The following KANSL1 variants were observed in gnomAD, a reference collection of about 807,000 sequenced individuals.
KANSL1 encodes MLL1/MLL complex subunit KANSL1.
In KANSL1, 22 loss-of-function variants were observed where a neutral mutation model predicts 103.6. The ratio of observed to expected loss-of-function variants is 0.21; its 90% CI spans 0.15 to 0.30. KANSL1 has a LOEUF of 0.30. KANSL1 is among the 10% of genes least tolerant of loss of function. The pLI, the probability that KANSL1 is intolerant of heterozygous loss-of-function variation, is 1.00. For missense variants in KANSL1, 1,337 were observed against 1,399.8 expected (o/e 0.96, Z 0.72); for synonymous variants, 600 against 527.6 (o/e 1.14, Z -1.88).
chr17:46,189,965 G>C (rs981637997), intron 1 of KANSL1, among the ~76,000 whole-genome samples: 6 of 150,122 alleles, frequency 4.0e-5, no homozygotes, highest in African/African-American at 1.5e-4. Context: ...AGCTTTACTC[G>C]CAAAGGGGCC....
At chr17:46,192,170 G>C (rs1266551337) in intron 1 of KANSL1, among the ~76,000 whole-genome samples, 2 of 152,170 alleles carry the variant, frequency 1.3e-5, no homozygotes, top group Non-Finnish European at 2.9e-5. Context: ...AGTAAGACAC[G>C]GGAGTAGCGC....
At chr17:46,072,858 G>A (rs997134907) in intron 4 of KANSL1, among the ~76,000 whole-genome samples, 34 of 152,094 alleles carry the variant, frequency 2.2e-4, no homozygotes, top group Non-Finnish European at 5.0e-4. Flanking sequence ...CTAATCCAAT[G>A]GTTCCTAAGC....
At chr17:46,134,279 C>T (rs1178282868) in intron 2 of KANSL1, among the ~76,000 whole-genome samples, 1 of 152,128 alleles carries the variant, frequency 6.6e-6, no homozygotes, top group African/African-American at 2.4e-5. Flanking sequence ...TGCCTGTAAT[C>T]CCAGCTACTG....
intron 2 of KANSL1, among the ~76,000 whole-genome samples, chr17:46,096,311 C>CTTTTCTT: frequency 1.3e-5 from 1 of 76,408 alleles, no homozygotes; most frequent in African/African-American, 5.6e-5. Context: ...GCTTTTTTTT[C>CTTTTCTT]TTTTTTTTTT....
Position 46,203,433 on chromosome 17 carries a change from A to C in KANSL1, c.-90+20238T>G, listed in dbSNP as rs181600594. Among the ~76,000 whole-genome samples the C allele has an allele frequency of 2.0e-5, 3 of 152,342 alleles. No homozygotes were observed. The East Asian group carries it at 5.8e-4, about 29-fold the overall frequency. On this transcript the variant is annotated intron_variant, in intron 1 of 14. Coordinates refer to the KANSL1 transcript ENST00000572904. ...ATGATTATCTTCAATTTTCAGTAAA[A>C]TAAGACCCTATAAAAGCCCTACCAT... is the stretch of plus-strand genomic sequence containing the variant.
chr17:46,169,934 C>A (rs1204529151), intron 2 of KANSL1, among the ~76,000 whole-genome samples: 1 of 152,058 alleles, frequency 6.6e-6, no homozygotes, highest in Non-Finnish European at 1.5e-5. Context: ...AGTTTGAGGC[C>A]AGCCTGGTCG....
intron 2 of KANSL1, among the ~76,000 whole-genome samples, chr17:46,123,662 G>C (rs2043385260): frequency 6.6e-6 from 1 of 152,208 alleles, no homozygotes; most frequent in Non-Finnish European, 1.5e-5. Context: ...TCCAGAACAA[G>C]ACCCTAATCC....
At chr17:46,174,745 G>C (rs2046441370) in intron 1 of KANSL1, among the ~76,000 whole-genome samples, 1 of 152,158 alleles carries the variant, frequency 6.6e-6, no homozygotes, top group Non-Finnish European at 1.5e-5. Context: ...CACAATCATG[G>C]CTCACTGAAG....
chr17:46,146,749 C>A (rs1411796415), intron 2 of KANSL1, among the ~76,000 whole-genome samples: 2 of 112,104 alleles, frequency 1.8e-5, no homozygotes, highest in East Asian at 4.3e-4. Flanking sequence ...AGGAGAATGG[C>A]GTGAACCCGG....
chr17:46,047,245 T>C (rs1297846838), intron 7 of KANSL1, among the ~76,000 whole-genome samples: 1 of 152,208 alleles, frequency 6.6e-6, no homozygotes, highest in Admixed American at 6.5e-5. Context: ...GAAGAACAGA[T>C]GCAGAACAGG....
At chr17:46,167,537 C>T (rs529804447) in intron 2 of KANSL1, among the ~76,000 whole-genome samples, 1 of 152,282 alleles carries the variant, frequency 6.6e-6, no homozygotes, top group East Asian at 1.9e-4. Flanking sequence ...CAACGTACTG[C>T]AGAATTTTCA....
Position 46,189,031 on chromosome 17 carries a change from C to CAAAA in KANSL1, c.-90+3788_-90+3791dup, listed in dbSNP as rs57566816. ...CTGGGCAACAGAGCAAAGATTGTCT[C>CAAAA]AAAAAAAAAAAAAAAAAAAAAAAAA... On this transcript the variant is annotated intron_variant, in intron 1 of 14. Coordinates refer to ENST00000432791, the MANE Select transcript of KANSL1 (RefSeq NM_015443.4). Among the ~76,000 whole-genome samples the CAAAA allele has an allele frequency of 8.6e-3, 537 of 62,328 alleles. 68 individuals are homozygous for CAAAA. Among genetic ancestry groups the CAAAA allele is most frequent in the Non-Finnish European group, 9.9e-3 (386 of 39,186 alleles). The allele number at this position is 62,328 out of a possible 152,430, so 40.9% of individuals were successfully genotyped here. A position where few individuals can be genotyped will look rare whatever the true frequency, so the allele number is the denominator to read the frequency against.
At position 46,031,325 on chromosome 17, in the gene KANSL1, G is replaced by GA. The variant is rs905971553; in HGVS notation, c.*150dup. 665 of 761,804 alleles carry GA rather than the reference G, an allele frequency of 8.7e-4. No homozygotes were observed. Among genetic ancestry groups the GA allele is most frequent in the Non-Finnish European group, 1.2e-3 (564 of 486,982 alleles). The allele number at this position is 761,804 out of a possible 1,614,324, so 47.2% of individuals were successfully genotyped here. A position where few individuals can be genotyped will look rare whatever the true frequency, so the allele number is the denominator to read the frequency against. On this transcript the variant is annotated 3_prime_UTR_variant, in exon 15 of 15. Coordinates refer to ENST00000432791, the MANE Select transcript of KANSL1 (RefSeq NM_015443.4). Reference sequence around the variant, plus strand: ...AAAAACAAAACAAAAATTAAAACAAGAAAAAAAAATACCAAAGTAGGATCT... The same window carrying GA: ...AAAAACAAAACAAAAATTAAAACAAGAAAAAAAAAATACCAAAGTAGGATCT...
intron 2 of KANSL1, among the ~76,000 whole-genome samples, chr17:46,127,421 G>C (rs1320819049): frequency 6.6e-6 from 1 of 152,160 alleles, no homozygotes; most frequent in African/African-American, 2.4e-5. Flanking sequence ...TTTAGAATCT[G>C]GCAGGTTTTC....
At chr17:46,187,956 A>C (rs2147886337) in intron 1 of KANSL1, among the ~76,000 whole-genome samples, 2 of 152,368 alleles carry the variant, frequency 1.3e-5, no homozygotes, top group South Asian at 4.1e-4. Flanking sequence ...AGACAAGAAA[A>C]TGCTTAATAA....
chr17:46,175,353 T>C (rs2046471678), intron 1 of KANSL1, among the ~76,000 whole-genome samples: 1 of 148,214 alleles, frequency 6.7e-6, no homozygotes, highest in South Asian at 2.1e-4. Flanking sequence ...TGTGTGTGTG[T>C]GTGTGTGTGT....
chr17:46,146,435 T>C (rs2044703052), intron 2 of KANSL1, among the ~76,000 whole-genome samples: 1 of 152,232 alleles, frequency 6.6e-6, no homozygotes, highest in Non-Finnish European at 1.5e-5. Flanking sequence ...CTCTTTCCTC[T>C]ACACTGATCC....
chr17:46,179,518 T>C (rs1339082645), intron 1 of KANSL1, among the ~76,000 whole-genome samples: 2 of 152,224 alleles, frequency 1.3e-5, no homozygotes, highest in African/African-American at 4.8e-5. Flanking sequence ...TTGCCCATAA[T>C]GTGGCTTCTA....
intron 4 of KANSL1, 74 bp downstream of exon 4, chr17:46,082,367 C>G (rs1294508046): frequency 2.9e-5 from 26 of 896,362 alleles, no homozygotes; most frequent in Admixed American, 9.9e-5. Flanking sequence ...ATCCTAGTTA[C>G]AGAGAAAAAA....
Sources: allele counts gnomAD v4.1 joint callset (sites outside exome capture counted in the v4.1 genomes callset), GRCh38; gene constraint gnomAD v4.1.1; transcripts MANE v1.5; gene names NCBI Gene and HGNC (gene_info 2026-07-23, HGNC 2026-07-21).